The following TMEM18 variants were observed in gnomAD, a reference collection of about 807,000 sequenced individuals.
The protein encoded by TMEM18 is transmembrane protein 18.
Under a neutral mutation model 17.4 loss-of-function variants are expected in TMEM18, and 14 were observed. The observed-to-expected ratio is 0.80, with a 90% CI of 0.53 to 1.25. The LOEUF (loss-of-function observed/expected upper bound fraction) is 1.25, where lower values mean the gene tolerates loss of function less well. TMEM18 is among the 50% of genes most tolerant of loss of function. TMEM18 has a pLI of 0.00. For synonymous variants in TMEM18, 86 were observed against 66.1 expected, an observed-to-expected ratio of 1.30 and a Z score of -1.46; for missense variants, 187 against 172.1, an observed-to-expected ratio of 1.09 and a Z score of -0.48.
chr2:664,197 G>A lies in TMEM18; in HGVS notation c.*5383C>T, dbSNP rs543640613. 3.9e-5 allele frequency among the ~76,000 whole-genome samples: 6 copies of A among 152,348 alleles called. No homozygotes were observed. The highest frequency in any genetic ancestry group is 7.3e-5 in the Non-Finnish European group (5 of 68,034). On this transcript the variant is annotated 3_prime_UTR_variant, in exon 5 of 5. Transcript: ENST00000281017. ...ATAAGGATGGCACAATGTGTTTGTC[G>A]TTGTAACTTGTTTAAACTAACTTCA... is the stretch of plus-strand genomic sequence containing the variant.
rs1185471252 is a variant in TMEM18 at position 665,278 on chromosome 2, C to T, written c.*4302G>A. On this transcript the variant is annotated 3_prime_UTR_variant, in exon 5 of 5. Coordinates refer to ENST00000281017, the MANE Select transcript of TMEM18 (RefSeq NM_152834.4). The stretch of plus-strand genomic sequence containing the variant: ...ACAGGATCCAGAGATGCAGACACCC[C>T]ACTCACTCAGATAGAGAATCAACCC... Among the ~76,000 whole-genome samples, 2 of 151,864 alleles carry T rather than the reference C, an allele frequency of 1.3e-5. No individual in the cohort carries two copies. The highest frequency in any genetic ancestry group is 3.9e-4 in the East Asian group (2 of 5,182).
chr2:672,033 G>A (rs566306465), intron 3 of TMEM18, among the ~76,000 whole-genome samples: 27 of 152,230 alleles, frequency 1.8e-4, no homozygotes, highest in Non-Finnish European at 3.1e-4. Context: ...GAAACCAGGC[G>A]GGGTCTAAGC....
chr2:676,002 A>G lies in TMEM18; in HGVS notation c.58-372T>C. On this transcript the variant is annotated intron_variant, in intron 1 of 4. Transcript: ENST00000281017. ...CTTTACGATGATAATTGGTTATGAT[A>G]ATTGGTGACGACAAGGAAATTAAGA... 4 of 1,305,638 alleles carry G rather than the reference A, an allele frequency of 3.1e-6. No homozygotes were observed. In the South Asian group the frequency reaches 5.1e-5, roughly 17 times the overall value. 80.9% of individuals were successfully genotyped at this position (1,305,638 alleles called of 1,614,324 possible). A position where few individuals can be genotyped will look rare whatever the true frequency, so the allele number is the denominator to read the frequency against.
rs1318828105 is a variant in TMEM18 at position 664,603 on chromosome 2, AG to A, written c.*4976del. ...AAAACTTTCACCTATTACTCAGAAA[AG>A]TTTCTTTTTTTACGTTGCTACTTAG... On this transcript the variant is annotated 3_prime_UTR_variant, in exon 5 of 5. Coordinates refer to ENST00000281017, the MANE Select transcript of TMEM18 (RefSeq NM_152834.4). Among the ~76,000 whole-genome samples, 16 of 152,340 alleles carry A rather than the reference AG, an allele frequency of 1.1e-4. No individual in the cohort carries two copies. The East Asian group carries it at 2.9e-3, about 28-fold the overall frequency.
rs375570844 is a variant in TMEM18 at position 665,693 on chromosome 2, G to A, written c.*3887C>T. ...TGCAGATGCCCCACTCACTCAGATA[G>A]AGAATCAACCCTACATACAACAGGA... is the stretch of plus-strand genomic sequence containing the variant. On this transcript the variant is annotated 3_prime_UTR_variant, in exon 5 of 5. Coordinates refer to ENST00000281017, the MANE Select transcript of TMEM18 (RefSeq NM_152834.4). Among the ~76,000 whole-genome samples, 161 of 65,358 alleles carry A rather than the reference G, an allele frequency of 2.5e-3. 1 individual carries two copies. The highest frequency in any genetic ancestry group is 8.5e-3 in the African/African-American group (157 of 18,522). The allele number at this position is 65,358 out of a possible 152,430, so 42.9% of individuals were successfully genotyped here. A position where few individuals can be genotyped will look rare whatever the true frequency, so the allele number is the denominator to read the frequency against.
At position 675,522 on chromosome 2, in the gene TMEM18, A is replaced by G. The variant is rs772988466; in HGVS notation, c.166T>C (p.Phe56Leu). Reference protein sequence around the residue: ...SRSYRLQIGHFLCLVILVYCA... With the variant: ...SRSYRLQIGHLLCLVILVYCA... ...TTGTTTTACTCACCTAGACACAGAA[A>G]GTGCCCGATCTGTAGTCTGTAGCTT... The change falls in exon 2 of 5, where the codon TTT becomes CTT. Residue 56 changes from phenylalanine (F) to leucine (L), a missense_variant. Phe to Leu is a conservative substitution (Grantham distance 22). Coordinates refer to ENST00000281017, the MANE Select transcript of TMEM18 (RefSeq NM_152834.4). 1.9e-5 allele frequency: 31 copies of G among 1,614,230 alleles called. No homozygotes were observed. Among genetic ancestry groups the G allele is most frequent in the Non-Finnish European group, 2.5e-5 (29 of 1,180,030 alleles).
chr2:673,463 C>A (rs1051378006), intron 2 of TMEM18, among the ~76,000 whole-genome samples: 1 of 152,132 alleles, frequency 6.6e-6, no homozygotes, highest in Non-Finnish European at 1.5e-5. Flanking sequence ...TCAGCTAATT[C>A]GTGGGTAATG....
rs1678686473 is a variant in TMEM18, at chr2:666,243, A to G, written c.*3337T>C. 6.6e-6 allele frequency among the ~76,000 whole-genome samples: 1 copy of G among 152,202 alleles called. No individual in the cohort carries two copies. The highest frequency in any genetic ancestry group is 6.5e-5 in the Admixed American group (1 of 15,284). On this transcript the variant is annotated 3_prime_UTR_variant, in exon 5 of 5. Transcript: ENST00000281017. ...CCCTGAGGCTTACAGAGCAGACCCT[A>G]TGGCCACATGCTTGGACTTAGGCCT...
At chr2:675,422 T>C (rs1260675369) in intron 2 of TMEM18, 88 bp downstream of exon 2, 4 of 1,580,328 alleles carry the variant, frequency 2.5e-6, no homozygotes, top group African/African-American at 1.3e-5. Flanking sequence ...TGTAAAAATA[T>C]GTATATATTT....
At chr2:675,716 A>T in intron 1 of TMEM18, 86 bp from the exon 2 acceptor site, 1 of 1,562,770 alleles carries the variant, frequency 6.4e-7, no homozygotes, top group South Asian at 1.2e-5. Context: ...CCAGCGCAGG[A>T]GGCAGGGGCC....
chr2:676,564 A>G (rs1659225697), intron 1 of TMEM18: 10 of 1,550,278 alleles, frequency 6.5e-6, no homozygotes, highest in Middle Eastern at 3.3e-4. Flanking sequence ...ACTCCCATCA[A>G]TGCACCCACC....
intron 1 of TMEM18, 145 bp downstream of exon 1, chr2:677,144 G>A (rs1225937914): frequency 1.4e-5 from 15 of 1,059,074 alleles, no homozygotes; most frequent in East Asian, 2.6e-5. Flanking sequence ...CAGGTCTCAG[G>A]ACCCTGCCCA....
chr2:671,213 A>G (rs1300553184), intron 3 of TMEM18, among the ~76,000 whole-genome samples: 1 of 152,184 alleles, frequency 6.6e-6, no homozygotes. Flanking sequence ...TCGGAGAAGC[A>G]TGAAGACAGG....
chr2:669,899 G>T (rs749665670), intron 3 of TMEM18, 49 bp from the exon 4 acceptor site: 3 of 1,424,140 alleles, frequency 2.1e-6, no homozygotes, highest in South Asian at 2.5e-5. Context: ...CAACCAAAAA[G>T]TTCTAGTGAC....
At chr2:675,757 C>G in intron 1 of TMEM18, 127 bp from the exon 2 acceptor site, 1 of 1,536,050 alleles carries the variant, frequency 6.5e-7, no homozygotes, top group Non-Finnish European at 8.7e-7. Flanking sequence ...GGGCTACTCA[C>G]CAAGTATCCA....
intron 1 of TMEM18, chr2:676,555 C>T (rs1189055866): frequency 2.6e-6 from 4 of 1,550,044 alleles, no homozygotes; most frequent in Non-Finnish European, 3.5e-6. Context: ...AGCGCATCTA[C>T]TCCCATCAAT....
rs772158901 is a variant in TMEM18, at chr2:672,843, A to G, written c.198T>C (p.Ala66=). Residue 66 remains alanine, a synonymous_variant, in exon 3 of 5, where the codon GCT becomes GCC. Transcript: ENST00000281017. The stretch of plus-strand genomic sequence containing the variant: ...TCGCAGCCGCCTCATTGATGTATTC[A>G]GCACAGTAGACTAAGATGACTGAAA... ...FLCLVILVYC[A]EYINEAAAMN... The G allele has an allele frequency of 6.6e-6, 10 of 1,504,164 alleles. No individual in the cohort carries two copies. Among genetic ancestry groups the G allele is most frequent in the Non-Finnish European group, 5.3e-6 (6 of 1,138,944 alleles). The allele number at this position is 1,504,164 out of a possible 1,614,324, so 93.2% of individuals were successfully genotyped here.
Position 665,277 on chromosome 2 carries a change from C to T in TMEM18, c.*4303G>A, listed in dbSNP as rs1444082766. 6.6e-6 allele frequency among the ~76,000 whole-genome samples: 1 copy of T among 151,748 alleles called. No individual in the cohort carries two copies. The highest frequency in any genetic ancestry group is 1.5e-5 in the Non-Finnish European group (1 of 67,960). On this transcript the variant is annotated 3_prime_UTR_variant, in exon 5 of 5. Coordinates refer to ENST00000281017, the MANE Select transcript of TMEM18 (RefSeq NM_152834.4). ...AACAGGATCCAGAGATGCAGACACC[C>T]CACTCACTCAGATAGAGAATCAACC... is the stretch of plus-strand genomic sequence containing the variant.
chr2:674,527 G>A (rs1249935436), intron 2 of TMEM18, among the ~76,000 whole-genome samples: 2 of 152,200 alleles, frequency 1.3e-5, no homozygotes, highest in African/African-American at 2.4e-5. Context: ...CCCCCAGGAA[G>A]CTGTGGGAGG....
Sources: allele counts gnomAD v4.1 joint callset (sites outside exome capture counted in the v4.1 genomes callset), GRCh38; gene constraint gnomAD v4.1.1; transcripts MANE v1.5; gene names NCBI Gene and HGNC (gene_info 2026-07-23, HGNC 2026-07-21).